Variants in STAC2 observed in about 807,000 individuals in gnomAD.
STAC2 encodes SH3 and cysteine-rich domain-containing protein 2.
A neutral mutation model predicts 49.0 loss-of-function variants in STAC2; 36 were observed. The ratio of observed to expected loss-of-function variants is 0.74; its 90% CI spans 0.56 to 0.97. The LOEUF (loss-of-function observed/expected upper bound fraction) is 0.97, where lower values mean the gene tolerates loss of function less well. Among genes scored for constraint, STAC2 ranks in the 50% least tolerant of loss-of-function variants. STAC2 has a pLI of 0.00. For missense variants in STAC2, 527 were observed against 543.8 expected, an observed-to-expected ratio of 0.97 and a Z score of 0.31; for synonymous variants, 239 against 214.7, an observed-to-expected ratio of 1.11 and a Z score of -0.99.
intron 4 of STAC2, 152 bp from the exon 5 acceptor site, chr17:39,215,382 A>C: frequency 4.0e-6 from 3 of 743,482 alleles, no homozygotes; most frequent in African/African-American, 1.8e-5. Flanking sequence ...GGGTCCTCCC[A>C]TGGTGCCCAT....
At position 39,221,198 on chromosome 17, in the gene STAC2, C is replaced by T. The variant is rs534531307; in HGVS notation, c.91-3025G>A. On this transcript the variant is annotated intron_variant, in intron 1 of 10. Transcript: ENST00000333461. ...GTAACCTCCACCTCCCAGGTTCAAG[C>T]GATTCTCCTGCCTCAGCCTCCCAAG... Among the ~76,000 whole-genome samples, 33 of 151,988 alleles carry T rather than the reference C, an allele frequency of 2.2e-4. No homozygotes were observed. The South Asian group carries it at 3.5e-3, about 16-fold the overall frequency.
At chr17:39,216,694 C>T in intron 4 of STAC2, 116 bp downstream of exon 4, 1 of 1,016,626 alleles carries the variant, frequency 9.8e-7, no homozygotes, top group Non-Finnish European at 1.4e-6. Flanking sequence ...CCTCCGCCTC[C>T]TGGGTTCAAG....
intron 2 of STAC2, 144 bp downstream of exon 2, chr17:39,217,722 CA>C (rs541508154): frequency 0.049 from 29,772 of 602,382 alleles, 5 homozygotes; most frequent in South Asian, 0.082. Flanking sequence ...GACTCTGTCT[CA>C]AAAAAAAAAA....
In STAC2 at chr17:39,225,731, G is replaced by A; in HGVS notation, c.-229C>T. Reference sequence around the variant, plus strand: ...AGCCGCAGGAGCGGGACGACCCCGGGCGCGAGGACCGAGGGTCTGCAGAGG... The same window carrying A: ...AGCCGCAGGAGCGGGACGACCCCGGACGCGAGGACCGAGGGTCTGCAGAGG... On this transcript the variant is annotated 5_prime_UTR_variant, in exon 1 of 11. Transcript: ENST00000333461. This position sits in a 1 kb window ranked among gnomAD's most constrained non-coding sequence, Gnocchi z 8.2. 1 of 574,058 alleles carries A rather than the reference G, an allele frequency of 1.7e-6. No individual in the cohort carries two copies. The highest frequency in any genetic ancestry group is 2.0e-5 in the South Asian group (1 of 50,148). 35.6% of individuals were successfully genotyped at this position (574,058 alleles called of 1,614,324 possible). A position where few individuals can be genotyped will look rare whatever the true frequency, so the allele number is the denominator to read the frequency against.
intron 1 of STAC2, among the ~76,000 whole-genome samples, chr17:39,222,292 G>A (rs773671743): frequency 1.1e-4 from 16 of 152,164 alleles, no homozygotes; most frequent in East Asian, 3.9e-4. Flanking sequence ...GCTAGGTACC[G>A]GAGGCCTCTG....
rs918188209 is a variant in STAC2, at chr17:39,211,183, T to G, written c.*1109A>C. 6.6e-6 allele frequency: 1 copy of G among 151,994 alleles called. No homozygotes were observed. Among genetic ancestry groups the G allele is most frequent in the Middle Eastern group, 3.2e-3 (1 of 316 alleles). 9.4% of individuals were successfully genotyped at this position (151,994 alleles called of 1,614,324 possible). A position where few individuals can be genotyped will look rare whatever the true frequency, so the allele number is the denominator to read the frequency against. ...CGGGTGGTTCCTGTGTGACCGGGGGTCCTGACAGTGAAATGGGTTTGCTTT... is the reference window on the plus strand; with the variant it reads ...CGGGTGGTTCCTGTGTGACCGGGGGGCCTGACAGTGAAATGGGTTTGCTTT... On this transcript the variant is annotated 3_prime_UTR_variant, in exon 11 of 11. Coordinates refer to ENST00000333461, the MANE Select transcript of STAC2 (RefSeq NM_198993.5).
chr17:39,216,533 C>A (rs2144238540), intron 4 of STAC2, among the ~76,000 whole-genome samples: 1 of 152,338 alleles, frequency 6.6e-6, no homozygotes, highest in African/African-American at 2.4e-5. Context: ...AGGACAGGAA[C>A]ATCCAGAGAA....
chr17:39,214,043 C>A (rs542239398), intron 8 of STAC2, among the ~76,000 whole-genome samples, 190 bp downstream of exon 8: 1 of 152,058 alleles, frequency 6.6e-6, no homozygotes, highest in Non-Finnish European at 1.5e-5. Context: ...ACTCGCTGGG[C>A]AGCCCAGTCA....
chr17:39,220,070 C>CT (rs1020029355), intron 1 of STAC2, among the ~76,000 whole-genome samples: 4 of 152,338 alleles, frequency 2.6e-5, no homozygotes, highest in Admixed American at 2.6e-4. Context: ...GGCCAAAGCC[C>CT]TGGGGTGTCT....
chr17:39,218,260 G>A (rs2046427742), intron 1 of STAC2, 87 bp from the exon 2 acceptor site: 11 of 1,411,346 alleles, frequency 7.8e-6, no homozygotes, highest in Non-Finnish European at 1.1e-5. Flanking sequence ...TGGCGGTAGG[G>A]GCGGCAGCAG....
intron 1 of STAC2, among the ~76,000 whole-genome samples, chr17:39,221,746 C>T (rs1231730261): frequency 5.3e-5 from 8 of 151,912 alleles, no homozygotes. Flanking sequence ...TCAGCTGGGC[C>T]CTGCCTGGGC....
At chr17:39,222,619 C>T (rs771215755) in intron 1 of STAC2, among the ~76,000 whole-genome samples, 1 of 152,194 alleles carries the variant, frequency 6.6e-6, no homozygotes, top group Non-Finnish European at 1.5e-5. Flanking sequence ...CCCCACTATA[C>T]TTTTGGTGCC....
In STAC2 at chr17:39,214,709, GC is replaced by G. The variant is rs1227337117; in HGVS notation, c.843+81del. Reference sequence around the variant, plus strand: ...GTGAATCCCCACGCACCATGCTCTTGCCCCCCTATGAATCAATGGCAAGGAG... The same window carrying G: ...GTGAATCCCCACGCACCATGCTCTTGCCCCCTATGAATCAATGGCAAGGAG... On this transcript the variant is annotated intron_variant, in intron 7 of 10. Transcript: ENST00000333461. 5 of 1,491,632 alleles carry G rather than the reference GC, an allele frequency of 3.4e-6. No individual in the cohort carries two copies. In the East Asian group the frequency reaches 7.0e-5, roughly 21 times the overall value. 92.4% of individuals were successfully genotyped at this position (1,491,632 alleles called of 1,614,324 possible).
intron 4 of STAC2, among the ~76,000 whole-genome samples, chr17:39,216,061 G>C (rs56140806): frequency 0.018 from 2,696 of 152,164 alleles, 67 homozygotes; most frequent in African/African-American, 0.059. Flanking sequence ...AGTCTTTCCA[G>C]ATCCTAAATG....
At chr17:39,215,416 C>T (rs2046393520) in intron 4 of STAC2, among the ~76,000 whole-genome samples, 186 bp from the exon 5 acceptor site, 1 of 152,212 alleles carries the variant, frequency 6.6e-6, no homozygotes. Context: ...GCATCCTTGA[C>T]TCCTCACTGT....
rs768015680 is a variant in STAC2, at chr17:39,212,424, C to A, written c.1132-28G>T. The A allele has an allele frequency of 3.8e-6, 6 of 1,561,682 alleles. No homozygotes were observed. The African/African-American group carries it at 4.1e-5, about 11-fold the overall frequency. On this transcript the variant is annotated intron_variant, in intron 10 of 10. Transcript: ENST00000333461. ...GAGCCAGAGAGACATGGAGCTGAGG[C>A]CTGGCATGGCCTGCAGCCCTGGCCC...
In STAC2 at chr17:39,212,282, T is replaced by C. The variant is rs777503375; in HGVS notation, c.*10A>G. ...GGGCAAGGGTGTCATCTGGGTTCCC[T>C]TGGCTCCTCTCAGATCTCAGTCAGG... On this transcript the variant is annotated 3_prime_UTR_variant, in exon 11 of 11. Coordinates refer to ENST00000333461, the MANE Select transcript of STAC2 (RefSeq NM_198993.5). 2.5e-6 allele frequency: 4 copies of C among 1,600,708 alleles called. No individual in the cohort carries two copies. The South Asian group carries it at 3.4e-5, about 14-fold the overall frequency.
intron 10 of STAC2, 72 bp downstream of exon 10, chr17:39,212,923 G>C (rs749777953): frequency 1.1e-4 from 169 of 1,581,856 alleles, no homozygotes; most frequent in Non-Finnish European, 1.4e-4. Context: ...ATTTACCCCC[G>C]CACCGCAGCC....
At chr17:39,212,970 C>A in intron 10 of STAC2, 25 bp downstream of exon 10, 1 of 1,612,478 alleles carries the variant, frequency 6.2e-7, no homozygotes, top group Admixed American at 1.7e-5. Context: ...CGCCATAGGG[C>A]CTGGGCTGGG....
Sources: allele counts gnomAD v4.1 joint callset (sites outside exome capture counted in the v4.1 genomes callset), GRCh38; gene constraint gnomAD v4.1.1; non-coding constraint Gnocchi (gnomAD v3.1); transcripts MANE v1.5; gene names NCBI Gene and HGNC (gene_info 2026-07-23, HGNC 2026-07-21).